The following LIMS1 variants were observed in gnomAD, a reference collection of about 807,000 sequenced individuals.
LIMS1 encodes the protein LIM and senescent cell antigen-like-containing domain protein 1.
In LIMS1, 18 loss-of-function variants were observed where a neutral mutation model predicts 44.1. The ratio of observed to expected loss-of-function variants is 0.41; its 90% CI spans 0.28 to 0.61. LIMS1 has a LOEUF of 0.61. Ranked by LOEUF, LIMS1 falls within the 20% of genes least tolerant of loss-of-function variation. The pLI is 0.32. For synonymous variants in LIMS1, 93 were observed against 149.1 expected, an observed-to-expected ratio of 0.62 and a Z score of 2.74; for missense variants, 201 against 422.0, an observed-to-expected ratio of 0.48 and a Z score of 4.59.
chr2:108,544,285 C>T (rs1003491981), intron 1 of LIMS1, among the ~76,000 whole-genome samples: 2 of 152,110 alleles, frequency 1.3e-5, no homozygotes, highest in Non-Finnish European at 2.9e-5. Flanking sequence ...TCAGGGAGAA[C>T]AGTGCTCTCA....
At chr2:108,563,051 T>C (rs180790170) in intron 1 of LIMS1, among the ~76,000 whole-genome samples, 3 of 152,344 alleles carry the variant, frequency 2.0e-5, no homozygotes, top group East Asian at 1.9e-4. Context: ...TGACCACATA[T>C]GTGTGTGCAG....
At chr2:108,552,735 A>G (rs1684800744) in intron 1 of LIMS1, among the ~76,000 whole-genome samples, 1 of 151,632 alleles carries the variant, frequency 6.6e-6, no homozygotes. Context: ...TGCCACCATG[A>G]CAAGCTAATT....
rs560095406 is a variant in LIMS1 at position 108,663,757 on chromosome 2, A to T, written c.192+3993A>T. Among the ~76,000 whole-genome samples, 346 of 149,508 alleles carry T rather than the reference A, an allele frequency of 2.3e-3. 13 individuals are homozygous for T. The highest frequency in any genetic ancestry group is 0.02 in the Admixed American group (291 of 14,810). On this transcript the variant is annotated intron_variant, in intron 2 of 9. Coordinates refer to ENST00000544547, the Ensembl canonical transcript of LIMS1. ...CCCATTTTTTTAATTTTTTATTTTT[A>T]TTTTTATTTTTTTTGAGACAGAGTT...
At chr2:108,664,012 C>T (rs149643272) in intron 2 of LIMS1, among the ~76,000 whole-genome samples, 2,549 of 152,246 alleles carry the variant, frequency 0.017, 42 homozygotes, top group African/African-American at 0.035. Flanking sequence ...CCTCGTTCTC[C>T]CAAAGTGCTG....
chr2:108,677,839 T>C, intron 7 of LIMS1, 140 bp from the exon 8 acceptor site: 1 of 1,367,602 alleles, frequency 7.3e-7, no homozygotes. Context: ...TTGTAAGAAG[T>C]AAAAACTTGT....
In LIMS1 at chr2:108,677,653, C is replaced by A. The variant is rs185492277; in HGVS notation, c.775-326C>A. Reference sequence around the variant, plus strand: ...CCATGCCCTCCACCCATAGTCTGGTCCTCAGCGCTCTGCCTGAGCAAGAAC... The same window carrying A: ...CCATGCCCTCCACCCATAGTCTGGTACTCAGCGCTCTGCCTGAGCAAGAAC... On this transcript the variant is annotated intron_variant, in intron 7 of 9. Coordinates refer to ENST00000544547, the Ensembl canonical transcript of LIMS1. Among the ~76,000 whole-genome samples, 847 of 152,278 alleles carry A rather than the reference C, an allele frequency of 5.6e-3. 10 individuals carry two copies. The highest frequency in any genetic ancestry group is 6.3e-3 in the Non-Finnish European group (428 of 68,018).
intron 1 of LIMS1, among the ~76,000 whole-genome samples, chr2:108,642,372 T>G (rs1458175682): frequency 3.3e-5 from 2 of 59,918 alleles, no homozygotes; most frequent in Non-Finnish European, 3.6e-5. Flanking sequence ...TTTGTTTTTT[T>G]TTTTTGAGAC....
intron 1 of LIMS1, among the ~76,000 whole-genome samples, chr2:108,600,652 G>A (rs1686958379): frequency 6.6e-6 from 1 of 152,126 alleles, no homozygotes; most frequent in Non-Finnish European, 1.5e-5. Flanking sequence ...TACGTTCTTG[G>A]CACCTTTATG....
At chr2:108,566,985 C>T (rs1685314478) in intron 1 of LIMS1, among the ~76,000 whole-genome samples, 1 of 152,176 alleles carries the variant, frequency 6.6e-6, no homozygotes, top group Non-Finnish European at 1.5e-5. Flanking sequence ...TTTCATCTTG[C>T]AGAACTGAAA....
At chr2:108,588,255 T>C (rs905825515) in intron 1 of LIMS1, 1 of 789,208 alleles carries the variant, frequency 1.3e-6, no homozygotes, top group Non-Finnish European at 1.5e-6. Context: ...TGTCACATGA[T>C]TTGACTAAAT....
At position 108,578,751 on chromosome 2, in the gene LIMS1, G is replaced by A. The variant is rs1265630365; in HGVS notation, c.32+44157G>A. Among the ~76,000 whole-genome samples, 5 of 151,716 alleles carry A rather than the reference G, an allele frequency of 3.3e-5. No individual in the cohort carries two copies. The East Asian group carries it at 9.7e-4, about 29-fold the overall frequency. The stretch of plus-strand genomic sequence containing the variant: ...TGGGACTACAGGTGCCCACCACCAC[G>A]CCTGGCTAATTTTTTTGTATTTTTA... On this transcript the variant is annotated intron_variant, in intron 1 of 9. Coordinates refer to ENST00000544547, the Ensembl canonical transcript of LIMS1.
At chr2:108,549,741 T>C (rs2577591) in intron 1 of LIMS1, among the ~76,000 whole-genome samples, 25,932 of 152,076 alleles carry the variant, frequency 0.17, 2,640 homozygotes, top group African/African-American at 0.27. Context: ...TGGACAGAAT[T>C]ATTATGAAGT....
chr2:108,641,059 T>A (rs1451294642), intron 1 of LIMS1, among the ~76,000 whole-genome samples: 2 of 152,206 alleles, frequency 1.3e-5, no homozygotes, highest in African/African-American at 4.8e-5. Flanking sequence ...CCTGACTTAT[T>A]TCACTTAACA....
chr2:108,670,835 T>C, exon 3 of LIMS1: 1 of 1,609,884 alleles, frequency 6.2e-7, no homozygotes, highest in Non-Finnish European at 8.5e-7. Flanking sequence ...TGCCCCTTGC[T>C]GTCATCAGTG....
In LIMS1 at chr2:108,546,678, C is replaced by CTT. The variant is rs377170614; in HGVS notation, c.32+12098_32+12099dup. On this transcript the variant is annotated intron_variant, in intron 1 of 9. Transcript: ENST00000544547. ...AGCGAGCCTGTCTAATTTGAGTGAT[C>CTT]TTTTTTTTTTTTTTTAAAGACAATG... Among the ~76,000 whole-genome samples the CTT allele has an allele frequency of 6.1e-3, 543 of 88,698 alleles. 7 individuals are homozygous for CTT. Among genetic ancestry groups the CTT allele is most frequent in the South Asian group, 8.2e-3 (27 of 3,296 alleles). The allele number at this position is 88,698 out of a possible 152,430, so 58.2% of individuals were successfully genotyped here.
At chr2:108,582,176 A>C (rs910736127) in intron 1 of LIMS1, among the ~76,000 whole-genome samples, 1 of 152,228 alleles carries the variant, frequency 6.6e-6, no homozygotes, top group African/African-American at 2.4e-5. Flanking sequence ...TTCTAGCATT[A>C]ATGCTTAATG....
At chr2:108,536,499 A>C (rs1398084899) in intron 1 of LIMS1, among the ~76,000 whole-genome samples, 1 of 152,208 alleles carries the variant, frequency 6.6e-6, no homozygotes, top group Non-Finnish European at 1.5e-5. Flanking sequence ...ACAGCAGTTT[A>C]ACTGTTCACA....
chr2:108,570,924 A>G (rs1020765775), intron 1 of LIMS1, among the ~76,000 whole-genome samples: 4 of 152,244 alleles, frequency 2.6e-5, no homozygotes, highest in Admixed American at 2.0e-4. Context: ...CTAACTGAAG[A>G]AAAATAACAT....
At chr2:108,603,322 G>A (rs1182193934) in intron 1 of LIMS1, among the ~76,000 whole-genome samples, 2 of 151,954 alleles carry the variant, frequency 1.3e-5, no homozygotes, top group African/African-American at 2.4e-5. Flanking sequence ...CTTGTTATTG[G>A]TCTGTTCAGG....
Sources: allele counts gnomAD v4.1 joint callset (sites outside exome capture counted in the v4.1 genomes callset), GRCh38; gene constraint gnomAD v4.1.1; transcripts MANE v1.5; gene names NCBI Gene and HGNC (gene_info 2026-07-23, HGNC 2026-07-21).